The following SLC16A12 variants were observed in gnomAD, a reference collection of about 807,000 sequenced individuals.
SLC16A12 encodes the protein solute carrier family 16 member 12, also known as monocarboxylate transporter 12.
In SLC16A12, 17 loss-of-function variants were observed where a neutral mutation model predicts 42.4. The observed-to-expected ratio is 0.40, with a 90% CI of 0.27 to 0.60. The LOEUF (loss-of-function observed/expected upper bound fraction) is 0.60. Among genes scored for constraint, SLC16A12 ranks in the 20% least tolerant of loss-of-function variants. The pLI, the probability that SLC16A12 is intolerant of heterozygous loss-of-function variation, is 0.42. For missense variants in SLC16A12, 544 were observed against 623.0 expected (o/e 0.87, Z 1.35); for synonymous variants, 224 against 229.4 (o/e 0.98, Z 0.21).
rs10674171 is a variant in SLC16A12, at chr10:89,440,073, C to CAAAAAAAA, written c.449-898_449-891dup. Among the ~76,000 whole-genome samples the CAAAAAAAA allele has an allele frequency of 2.6e-3, 81 of 31,436 alleles. 11 individuals are homozygous for CAAAAAAAA. The highest frequency in any genetic ancestry group is 3.2e-3 in the Non-Finnish European group (56 of 17,612). The allele number at this position is 31,436 out of a possible 152,430, so 20.6% of individuals were successfully genotyped here. On this transcript the variant is annotated intron_variant, in intron 5 of 7. Coordinates refer to ENST00000371790, the MANE Select transcript of SLC16A12 (RefSeq NM_213606.4). The stretch of plus-strand genomic sequence containing the variant: ...GGACCGAGCCAGATAGACCCTGTCT[C>CAAAAAAAA]AAAAAAAAAAAAAAAAAAAAAAAAA...
At position 89,430,540 on chromosome 10, in the gene SLC16A12, T is replaced by C; in HGVS notation, c.*2524A>G. The C allele has an allele frequency of 2.4e-6, 1 of 421,824 alleles. No individual in the cohort carries two copies. Among genetic ancestry groups the C allele is most frequent in the Non-Finnish European group, 4.7e-6 (1 of 214,372 alleles). 26.1% of individuals were successfully genotyped at this position (421,824 alleles called of 1,614,324 possible). The stretch of plus-strand genomic sequence containing the variant: ...TAATTTTGTTCTTGATTCCACAAAA[T>C]ACATCATTCCCATGAATTTCTCAGT... On this transcript the variant is annotated 3_prime_UTR_variant, in exon 8 of 8. Coordinates refer to ENST00000371790, the MANE Select transcript of SLC16A12 (RefSeq NM_213606.4).
intron 2 of SLC16A12, among the ~76,000 whole-genome samples, chr10:89,492,606 T>C (rs577028700): frequency 6.6e-6 from 1 of 152,028 alleles, no homozygotes; most frequent in South Asian, 2.1e-4. Flanking sequence ...TAGTCTCTAC[T>C]AAAAACACAA....
intron 7 of SLC16A12, 131 bp from the exon 8 acceptor site, chr10:89,433,457 G>GTTCAA (rs1841725937): frequency 1.1e-6 from 1 of 927,370 alleles, no homozygotes; most frequent in Admixed American, 2.3e-5. Context: ...GAAACAAAAA[G>GTTCAA]AGGTCACCTA....
intron 2 of SLC16A12, among the ~76,000 whole-genome samples, chr10:89,512,098 T>C (rs1042975766): frequency 2.9e-4 from 44 of 152,062 alleles, no homozygotes; most frequent in African/African-American, 9.4e-4. Flanking sequence ...GTCCTTAGGG[T>C]AGTCAAACTC....
intron 2 of SLC16A12, among the ~76,000 whole-genome samples, chr10:89,467,289 TTTTAAAAAGCAACATA>T (rs1331313720): frequency 1.3e-5 from 2 of 152,232 alleles, no homozygotes; most frequent in Admixed American, 1.3e-4. Context: ...GCAACAGCCC[TTTTAAAAAGCAACATA>T]ATGTGATGGA....
At chr10:89,448,041 C>A (rs1842032158) in intron 3 of SLC16A12, among the ~76,000 whole-genome samples, 1 of 152,140 alleles carries the variant, frequency 6.6e-6, no homozygotes, top group Admixed American at 6.5e-5. Flanking sequence ...TGGACACATA[C>A]TCCCCAGACT....
chr10:89,476,065 C>T lies in SLC16A12; in HGVS notation c.-46-13441G>A, dbSNP rs867172360. ...TTGGGTGTAGTGTCTGGCATAAAGT[C>T]GGTGCTCAATACTTGTGTAGTTCCA... On this transcript the variant is annotated intron_variant, in intron 2 of 7. Coordinates refer to ENST00000371790, the MANE Select transcript of SLC16A12 (RefSeq NM_213606.4). Among the ~76,000 whole-genome samples, 6 of 152,166 alleles carry T rather than the reference C, an allele frequency of 3.9e-5. No homozygotes were observed. The South Asian group carries it at 8.3e-4, about 21-fold the overall frequency.
chr10:89,486,351 A>G (rs1356996488), intron 2 of SLC16A12, among the ~76,000 whole-genome samples: 7 of 152,166 alleles, frequency 4.6e-5, no homozygotes, highest in Admixed American at 2.6e-4. Flanking sequence ...AGAATTCATA[A>G]AAATATCATT....
chr10:89,555,642 CAT>C (rs1554834659), intron 2 of SLC16A12, among the ~76,000 whole-genome samples: 6 of 140,044 alleles, frequency 4.3e-5, no homozygotes, highest in South Asian at 4.5e-4. Flanking sequence ...CACATATATA[CAT>C]ATATATACAG....
chr10:89,463,817 C>T (rs1842344835), intron 2 of SLC16A12, among the ~76,000 whole-genome samples: 1 of 152,122 alleles, frequency 6.6e-6, no homozygotes, highest in African/African-American at 2.4e-5. Context: ...CGTTTTAGGG[C>T]ACTAAGGATT....
rs550449758 is a variant in SLC16A12 at position 89,555,499 on chromosome 10, A to G, written c.-47+383T>C. Among the ~76,000 whole-genome samples, 5 of 140,748 alleles carry G rather than the reference A, an allele frequency of 3.6e-5. No homozygotes were observed. The South Asian group carries it at 8.7e-4, about 25-fold the overall frequency. 92.3% of individuals were successfully genotyped at this position (140,748 alleles called of 152,430 possible). On this transcript the variant is annotated intron_variant, in intron 2 of 2. Coordinates refer to the SLC16A12 transcript ENST00000475682. ...TGTGTATATATACGTATATATACGT[A>G]TATACGTATATATATGTATATATGT...
chr10:89,520,237 C>T (rs1843331031), intron 2 of SLC16A12, among the ~76,000 whole-genome samples: 1 of 152,116 alleles, frequency 6.6e-6, no homozygotes, highest in Admixed American at 6.5e-5. Context: ...GAAGTTCAAA[C>T]CCTTTGACCC....
intron 3 of SLC16A12, among the ~76,000 whole-genome samples, chr10:89,444,806 C>T (rs1268384197): frequency 6.6e-6 from 1 of 152,176 alleles, no homozygotes; most frequent in Non-Finnish European, 1.5e-5. Flanking sequence ...TGGGGCATTG[C>T]CTCACCCAGG....
intron 3 of SLC16A12, among the ~76,000 whole-genome samples, chr10:89,448,807 A>G (rs1281090332): frequency 2.0e-5 from 3 of 152,216 alleles, no homozygotes; most frequent in Non-Finnish European, 4.4e-5. Flanking sequence ...GGAAAAGAGG[A>G]AGTCAAATTG....
intron 2 of SLC16A12, among the ~76,000 whole-genome samples, chr10:89,523,049 T>TCACTCTATATTTAGTCTTGC (rs1843384527): frequency 1.3e-5 from 2 of 152,332 alleles, no homozygotes; most frequent in South Asian, 4.1e-4. Context: ...GAAAGACTTG[T>TCACTCTATATTTAGTCTTGC]CACTCTATAT....
intron 2 of SLC16A12, among the ~76,000 whole-genome samples, chr10:89,481,310 C>A (rs1842657079): frequency 6.6e-6 from 1 of 152,100 alleles, no homozygotes; most frequent in Non-Finnish European, 1.5e-5. Flanking sequence ...AGTAATAAAA[C>A]CACTTGTACA....
chr10:89,542,559 C>T (rs1843721445), intron 2 of SLC16A12, among the ~76,000 whole-genome samples: 1 of 152,140 alleles, frequency 6.6e-6, no homozygotes, highest in Non-Finnish European at 1.5e-5. Context: ...CCACCTTGGC[C>T]TCCCAAAGTT....
At chr10:89,490,703 G>A (rs754875759) in intron 2 of SLC16A12, among the ~76,000 whole-genome samples, 5 of 152,136 alleles carry the variant, frequency 3.3e-5, no homozygotes, top group Admixed American at 2.0e-4. Flanking sequence ...AATCCCTTCA[G>A]TTAGGGTTTT....
chr10:89,433,182 G>C lies in SLC16A12; in HGVS notation c.1433C>G (p.Ser478Cys). 6.2e-7 allele frequency: 1 copy of C among 1,614,174 alleles called. No homozygotes were observed. Among genetic ancestry groups the C allele is most frequent in the Non-Finnish European group, 8.5e-7 (1 of 1,180,026 alleles). ...KTQLQFIAKE[S>C]DPKLQLWTNG... Reference sequence around the variant, plus strand: ...GGTCCATAGCTGCAGCTTAGGATCAGATTCTTTGGCAATGAACTGCAACTG... The same window carrying C: ...GGTCCATAGCTGCAGCTTAGGATCACATTCTTTGGCAATGAACTGCAACTG... The change falls in exon 8 of 8, where the codon TCT becomes TGT. Residue 478 changes from serine (S) to cysteine (C), a missense_variant. Ser to Cys is a moderately radical substitution (Grantham distance 112, BLOSUM62 -1). Transcript: ENST00000371790.
Sources: gnomAD v4.1 joint callset for allele counts (sites outside exome capture counted in the v4.1 genomes callset) on GRCh38, gnomAD v4.1.1 for gene constraint, MANE v1.5 for transcripts, NCBI Gene and HGNC (gene_info 2026-07-23, HGNC 2026-07-21) for gene names.